Variants in SKI observed in about 807,000 individuals in gnomAD.
SKI encodes ski oncogene.
SKI carries 23 observed loss-of-function variants against 59.3 expected under a neutral mutation model. That is an observed-to-expected ratio of 0.39 (90% confidence interval 0.28 to 0.55). The LOEUF (loss-of-function observed/expected upper bound fraction) is 0.55. Among genes scored for constraint, SKI ranks in the 20% least tolerant of loss-of-function variants. The pLI is 0.67. For synonymous variants in SKI, 673 were observed against 488.6 expected (o/e 1.38, Z -4.98); for missense variants, 1,017 against 1,038.9 (o/e 0.98, Z 0.29).
chr1:2,265,985 TA>T (rs949456673), intron 1 of SKI, among the ~76,000 whole-genome samples: 3 of 151,416 alleles, frequency 2.0e-5, no homozygotes, highest in Admixed American at 6.6e-5. Context: ...AAAATAAAAT[TA>T]AAAAAAAATC....
intron 1 of SKI, among the ~76,000 whole-genome samples, chr1:2,301,062 C>A (rs975481638): frequency 6.6e-6 from 1 of 152,162 alleles, no homozygotes; most frequent in Non-Finnish European, 1.5e-5. Context: ...GGCTTTTCCC[C>A]GGGTGATAAC....
In SKI at chr1:2,269,003, G is replaced by A. The variant is rs1391121497; in HGVS notation, c.970-33975G>A. Among the ~76,000 whole-genome samples, 1 of 151,914 alleles carries A rather than the reference G, an allele frequency of 6.6e-6. No individual in the cohort carries two copies. The highest frequency in any genetic ancestry group is 1.5e-5 in the Non-Finnish European group (1 of 68,012). ...CTCTGGCTCTGTCACCCAGGCTGGA[G>A]TGCAGCAGCACAGTCTTGCGGCCTC... is the stretch of plus-strand genomic sequence containing the variant. On this transcript the variant is annotated intron_variant, in intron 1 of 6. Transcript: ENST00000378536. This position sits in a 1 kb window ranked among gnomAD's most constrained non-coding sequence, Gnocchi z 4.7.
chr1:2,287,492 A>T (rs954056267), intron 1 of SKI, among the ~76,000 whole-genome samples: 12 of 151,826 alleles, frequency 7.9e-5, no homozygotes. Flanking sequence ...GCCCGCCACC[A>T]CGCCCAGCTA....
At position 2,306,368 on chromosome 1, in the gene SKI, C is replaced by G. The variant is rs1272918280; in HGVS notation, c.1998+118C>G. The G allele has an allele frequency of 1.1e-5, 12 of 1,071,630 alleles. No homozygotes were observed. In the East Asian group the frequency reaches 2.3e-4, roughly 21 times the overall value. The allele number at this position is 1,071,630 out of a possible 1,614,324, so 66.4% of individuals were successfully genotyped here. A position where few individuals can be genotyped will look rare whatever the true frequency, so the allele number is the denominator to read the frequency against. On this transcript the variant is annotated intron_variant, in intron 6 of 6. Coordinates refer to ENST00000378536, the MANE Select transcript of SKI (RefSeq NM_003036.4). ...GGAGCAGAAGCCAGGCCCGGGACCA[C>G]GTTCCGTGCGTGCCCCCCCGACGGG... is the stretch of plus-strand genomic sequence containing the variant.
At chr1:2,250,939 C>T (rs1178400407) in intron 1 of SKI, among the ~76,000 whole-genome samples, 1 of 152,252 alleles carries the variant, frequency 6.6e-6, no homozygotes, top group South Asian at 2.1e-4. Flanking sequence ...GCAAGCGGCC[C>T]CCATGCTTTT....
chr1:2,306,847 G>A lies in SKI; in HGVS notation c.*82G>A. The A allele has an allele frequency of 3.2e-6, 3 of 934,002 alleles. No homozygotes were observed. Among genetic ancestry groups the A allele is most frequent in the Non-Finnish European group, 2.8e-6 (2 of 703,530 alleles). The allele number at this position is 934,002 out of a possible 1,614,324, so 57.9% of individuals were successfully genotyped here. A position where few individuals can be genotyped will look rare whatever the true frequency, so the allele number is the denominator to read the frequency against. ...GGGCGGTGCAGCTCCGCCCGGCTCC[G>A]CCCCTGCAGCCCACACAGCACAACG... is the stretch of plus-strand genomic sequence containing the variant. On this transcript the variant is annotated 3_prime_UTR_variant, in exon 7 of 7. Coordinates refer to ENST00000378536, the MANE Select transcript of SKI (RefSeq NM_003036.4).
intron 1 of SKI, among the ~76,000 whole-genome samples, chr1:2,301,824 G>A (rs966530071): frequency 1.3e-5 from 2 of 152,242 alleles, no homozygotes; most frequent in African/African-American, 4.8e-5. Flanking sequence ...CAGAGTGAGT[G>A]GGACCTCACC....
At chr1:2,241,945 C>CTG (rs1333933869) in intron 1 of SKI, among the ~76,000 whole-genome samples, 3 of 134,970 alleles carry the variant, frequency 2.2e-5, no homozygotes, top group Admixed American at 1.6e-4. Context: ...CCGTGCATGC[C>CTG]TGTCTGTGTG....
chr1:2,304,204 C>G, intron 4 of SKI, 89 bp from the exon 5 acceptor site: 2 of 1,567,652 alleles, frequency 1.3e-6, no homozygotes, highest in Middle Eastern at 1.7e-4. Context: ...CCCCATGTTT[C>G]GCAGGTTCCT....
At chr1:2,240,804 G>A in intron 1 of SKI, 5 of 985,382 alleles carry the variant, frequency 5.1e-6, no homozygotes, top group Non-Finnish European at 6.0e-6. Flanking sequence ...TGAGAGGCGC[G>A]AGAAACCACA....
At chr1:2,261,787 T>A (rs576682924) in intron 1 of SKI, among the ~76,000 whole-genome samples, 2 of 152,370 alleles carry the variant, frequency 1.3e-5, no homozygotes, top group South Asian at 4.1e-4. Flanking sequence ...ATAGGAGTGG[T>A]GGGAGTGGAC....
At chr1:2,237,117 C>T (rs1188375024) in intron 1 of SKI, among the ~76,000 whole-genome samples, 2 of 152,210 alleles carry the variant, frequency 1.3e-5, no homozygotes, top group African/African-American at 4.8e-5. Flanking sequence ...GACCTGACCC[C>T]TGAGCTGCGT....
In SKI at chr1:2,303,836, C is replaced by G. The variant is rs777887288; in HGVS notation, c.1212-4C>G. The G allele has an allele frequency of 1.2e-6, 2 of 1,612,418 alleles. No individual in the cohort carries two copies. Among genetic ancestry groups the G allele is most frequent in the Non-Finnish European group, 1.7e-6 (2 of 1,179,734 alleles). ...ACCTTCCCGACACCCGCCTGCCCCT[C>G]CAGCTTCTACTCCTACAAGAGCTTT... is the stretch of plus-strand genomic sequence containing the variant. On this transcript the variant is annotated splice_region_variant and splice_polypyrimidine_tract_variant and intron_variant, in intron 3 of 6. Transcript: ENST00000378536. This position sits in a 1 kb window ranked among gnomAD's most constrained non-coding sequence, Gnocchi z 5.6.
At chr1:2,240,635 A>G (rs1638850211) in intron 1 of SKI, 1 of 985,478 alleles carries the variant, frequency 1.0e-6, no homozygotes, top group African/African-American at 1.7e-5. Flanking sequence ...GTAACCATAC[A>G]GCATTAACAA....
chr1:2,287,785 C>T (rs578235306), intron 1 of SKI, among the ~76,000 whole-genome samples: 10 of 152,226 alleles, frequency 6.6e-5, no homozygotes, highest in African/African-American at 1.9e-4. Context: ...CAGGGATCTC[C>T]CCTCACCTTG....
intron 1 of SKI, among the ~76,000 whole-genome samples, chr1:2,251,379 C>G (rs1639144021): frequency 6.6e-6 from 1 of 152,160 alleles, no homozygotes; most frequent in East Asian, 1.9e-4. Context: ...CGCCTGGTGT[C>G]CCACAGTACT....
At position 2,306,121 on chromosome 1, in the gene SKI, C is replaced by G; in HGVS notation, c.1869C>G (p.Asn623Lys). The G allele has an allele frequency of 6.3e-7, 1 of 1,598,692 alleles. No individual in the cohort carries two copies. Among genetic ancestry groups the G allele is most frequent in the Non-Finnish European group, 8.5e-7 (1 of 1,174,000 alleles). The change falls in exon 6 of 7, where the codon AAC (asparagine) becomes AAG (lysine). Residue 623 changes from asparagine (N) to lysine (K), a missense_variant. Transcript: ENST00000378536. ...RKEIERLRAENEKKMKEANES... is the reference protein window; with the variant it reads ...RKEIERLRAEKEKKMKEANES... ...AGATCGAGCGTCTCCGCGCCGAGAA[C>G]GAGAAGAAGATGAAAGAGGCCAACG... is the stretch of plus-strand genomic sequence containing the variant.
In SKI at chr1:2,229,564, C is replaced by T. The variant is rs149642284; in HGVS notation, c.798C>T (p.Ala266=). 1.7e-3 allele frequency: 2,710 copies of T among 1,611,518 alleles called. 1 individual carries two copies. Among genetic ancestry groups the T allele is most frequent in the Non-Finnish European group, 2.2e-3 (2,563 of 1,179,942 alleles). Residue 266 remains alanine, a synonymous_variant, in exon 1 of 7, where the codon GCC becomes GCT. Coordinates refer to ENST00000378536, the MANE Select transcript of SKI (RefSeq NM_003036.4). The surrounding 1 kb of genome is among the most constrained non-coding windows in gnomAD (Gnocchi z 6.3). Reference sequence around the variant, plus strand: ...AGTTCGTGGTGCACTCGCACAAGGCCCTGGAGAACCGGACCTGCCACTGGG... The same window carrying T: ...AGTTCGTGGTGCACTCGCACAAGGCTCTGGAGAACCGGACCTGCCACTGGG... ...PHKFVVHSHK[A]LENRTCHWGF...
intron 1 of SKI, among the ~76,000 whole-genome samples, chr1:2,255,025 C>A (rs942257076): frequency 4.6e-5 from 7 of 152,168 alleles, no homozygotes; most frequent in Admixed American, 6.5e-5. Context: ...CCACACCCCA[C>A]GTGCTTGTTA....
Sources: allele counts gnomAD v4.1 joint callset (sites outside exome capture counted in the v4.1 genomes callset), GRCh38; gene constraint gnomAD v4.1.1; non-coding constraint Gnocchi (gnomAD v3.1); transcripts MANE v1.5; gene names NCBI Gene and HGNC (gene_info 2026-07-23, HGNC 2026-07-21).